Variants in HPF1 observed in about 807,000 individuals in gnomAD.
HPF1 encodes the protein histone PARylation factor 1, also known as UPF0609 protein C4orf27.
In HPF1, 35 loss-of-function variants were observed where a neutral mutation model predicts 38.8. The ratio of observed to expected loss-of-function variants is 0.90; its 90% CI spans 0.69 to 1.19. The LOEUF (loss-of-function observed/expected upper bound fraction) is 1.19, where lower values mean the gene tolerates loss of function less well. Ranked by LOEUF, HPF1 falls within the 50% of genes most tolerant of loss-of-function variation. The pLI is 0.00. For synonymous variants in HPF1, 115 were observed against 139.2 expected, an observed-to-expected ratio of 0.83 and a Z score of 1.22; for missense variants, 367 against 405.8, an observed-to-expected ratio of 0.90 and a Z score of 0.82.
At chr4:169,748,376 G>GTT (rs1048964480) in intron 4 of HPF1, among the ~76,000 whole-genome samples, 2 of 145,010 alleles carry the variant, frequency 1.4e-5, no homozygotes, top group African/African-American at 2.5e-5. Context: ...AATCCGCTTT[G>GTT]TTTTTTTTTT....
intron 6 of HPF1, among the ~76,000 whole-genome samples, chr4:169,735,802 G>C (rs552458709): frequency 6.6e-6 from 1 of 151,998 alleles, no homozygotes. Context: ...GGTCCCATCA[G>C]AGACTAATTG....
intron 6 of HPF1, among the ~76,000 whole-genome samples, chr4:169,735,645 ACTGCC>A (rs1733882167): frequency 6.6e-6 from 1 of 152,204 alleles, no homozygotes; most frequent in Non-Finnish European, 1.5e-5. Flanking sequence ...AGCTTTAGAG[ACTGCC>A]CATCTCTACA....
At chr4:169,753,600 T>G in intron 2 of HPF1, 76 bp downstream of exon 2, 8 of 1,268,556 alleles carry the variant, frequency 6.3e-6, no homozygotes, top group South Asian at 1.3e-5. Flanking sequence ...TTACAGAGTG[T>G]GAGCCACCAC....
chr4:169,751,566 T>A (rs553732807), intron 2 of HPF1, among the ~76,000 whole-genome samples: 24 of 152,090 alleles, frequency 1.6e-4, no homozygotes, highest in Non-Finnish European at 3.2e-4. Context: ...CAGGGAGTGT[T>A]CATAAACCAC....
At chr4:169,754,954 A>G (rs1327152227) in intron 1 of HPF1, among the ~76,000 whole-genome samples, 4 of 152,038 alleles carry the variant, frequency 2.6e-5, no homozygotes, top group Non-Finnish European at 5.9e-5. Context: ...GTTTTAGGGT[A>G]CATGTGCACA....
intron 6 of HPF1, among the ~76,000 whole-genome samples, chr4:169,732,711 G>C (rs957240162): frequency 2.0e-5 from 3 of 152,136 alleles, no homozygotes; most frequent in Non-Finnish European, 2.9e-5. Flanking sequence ...GCACTATATA[G>C]TTGCCTCTGT....
intron 6 of HPF1, among the ~76,000 whole-genome samples, chr4:169,735,984 T>G (rs923978372): frequency 6.6e-6 from 1 of 151,474 alleles, no homozygotes; most frequent in African/African-American, 2.4e-5. Flanking sequence ...TAAGATATTT[T>G]ATTTAACCCA....
chr4:169,753,569 A>G, intron 2 of HPF1, 107 bp downstream of exon 2: 1 of 931,750 alleles, frequency 1.1e-6, no homozygotes. Flanking sequence ...GCCTCAGGCA[A>G]TCCTCCTGCC....
intron 4 of HPF1, 39 bp from the exon 5 acceptor site, chr4:169,742,146 A>C: frequency 6.3e-7 from 1 of 1,589,862 alleles, no homozygotes; most frequent in South Asian, 1.1e-5. Context: ...GTGGCAGGCC[A>C]CTGTACTAAG....
Position 169,757,824 on chromosome 4 carries a change from C to G in HPF1, c.48+6G>C. On this transcript the variant is annotated splice_donor_region_variant and intron_variant, in intron 1 of 7. Transcript: ENST00000393381. ...CGCGTAGCCCGCACAGCCTTTCCGG[C>G]AGTACCTGCGGCCCCTCTCCGCCGG... The G allele has an allele frequency of 6.4e-7, 1 of 1,559,466 alleles. No homozygotes were observed. The highest frequency in any genetic ancestry group is 8.6e-7 in the Non-Finnish European group (1 of 1,159,524).
Position 169,750,543 on chromosome 4 carries a change from A to T in HPF1, c.391T>A (p.Tyr131Asn). The T allele has an allele frequency of 6.3e-7, 1 of 1,592,820 alleles. No homozygotes were observed. Among genetic ancestry groups the T allele is most frequent in the Middle Eastern group, 1.7e-4 (1 of 5,940 alleles). The stretch of plus-strand genomic sequence containing the variant: ...GAAGAAAAGATCCTTTACCTGAAAT[A>T]CCCCATGTGGTACTGAGTTTTATTA... The part of the protein sequence containing the change: ...GDNKTQYHMG[Y>N]FRDSPDEFPV... Residue 131 changes from tyrosine to asparagine, a missense_variant, in exon 3 of 8, where the codon TAT (tyrosine) becomes AAT (asparagine). Transcript: ENST00000393381.
In HPF1 at chr4:169,757,898, A is replaced by G. The variant is rs535312068; in HGVS notation, c.-21T>C. ...ACCATTCTGCAGCTGCAGCGCCAGC[A>G]GAATTCCCCGATCCGCGGCCGCTTC... is the stretch of plus-strand genomic sequence containing the variant. On this transcript the variant is annotated 5_prime_UTR_variant, in exon 1 of 8. Coordinates refer to ENST00000393381, the MANE Select transcript of HPF1 (RefSeq NM_017867.3). The G allele has an allele frequency of 2.6e-6, 4 of 1,546,320 alleles. No individual in the cohort carries two copies. Among genetic ancestry groups the G allele is most frequent in the Admixed American group, 3.8e-5 (2 of 52,760 alleles).
intron 7 of HPF1, among the ~76,000 whole-genome samples, chr4:169,730,069 G>A (rs779121224): frequency 6.6e-6 from 1 of 152,128 alleles, no homozygotes; most frequent in Non-Finnish European, 1.5e-5. Context: ...CCTCAATTCT[G>A]TAAGAATAGC....
At position 169,737,749 on chromosome 4, in the gene HPF1, T is replaced by C; in HGVS notation, c.649-2A>G. On this transcript the variant is annotated splice_acceptor_variant, in intron 5 of 7. Transcript: ENST00000393381. LOFTEE classifies it high-confidence loss of function. Reference sequence around the variant, plus strand: ...ACCATGAAAGGTCTTTGTCACAACCTACATTAAAGAAAAGAATAAAATGTA... The same window carrying C: ...ACCATGAAAGGTCTTTGTCACAACCCACATTAAAGAAAAGAATAAAATGTA... 2 of 1,596,108 alleles carry C rather than the reference T, an allele frequency of 1.3e-6. No homozygotes were observed. The highest frequency in any genetic ancestry group is 1.7e-6 in the Non-Finnish European group (2 of 1,164,370).
intron 4 of HPF1, 102 bp from the exon 5 acceptor site, chr4:169,742,209 G>T: frequency 1.1e-6 from 1 of 890,392 alleles, no homozygotes; most frequent in Non-Finnish European, 1.7e-6. Flanking sequence ...TTCCATACAA[G>T]AATAAGTCCA....
intron 4 of HPF1, among the ~76,000 whole-genome samples, chr4:169,742,608 A>C (rs10012711): frequency 0.68 from 103,985 of 151,952 alleles, 37,715 homozygotes; most frequent in East Asian, 0.91. Flanking sequence ...CTGGCTAACA[A>C]GGTGAAACCC....
Position 169,731,864 on chromosome 4 carries a change from C to A in HPF1, c.749G>T (p.Arg250Ile). 1.2e-6 allele frequency: 2 copies of A among 1,612,264 alleles called. No individual in the cohort carries two copies. The highest frequency in any genetic ancestry group is 1.3e-5 in the African/African-American group (1 of 74,984). Reference sequence around the variant, plus strand: ...AGCCTCAACTATTGTCTTGCAAATTCTCTTGAGGTCAGCTGAAAGAAATCA... The same window carrying A: ...AGCCTCAACTATTGTCTTGCAAATTATCTTGAGGTCAGCTGAAAGAAATCA... ...ELPETDADLK[R>I]ICKTIVEAAS... The change falls in exon 7 of 8, where the codon AGA becomes ATA. Residue 250 changes from arginine (R) to isoleucine (I), a missense_variant. Coordinates refer to ENST00000393381, the MANE Select transcript of HPF1 (RefSeq NM_017867.3).
At chr4:169,751,148 G>T (rs1734113832) in intron 2 of HPF1, among the ~76,000 whole-genome samples, 1 of 152,186 alleles carries the variant, frequency 6.6e-6, no homozygotes, top group Admixed American at 6.5e-5. Context: ...GCTCACACCT[G>T]TAATCCCAGC....
intron 4 of HPF1, among the ~76,000 whole-genome samples, chr4:169,748,074 C>T (rs1734070862): frequency 6.6e-6 from 1 of 152,160 alleles, no homozygotes; most frequent in Admixed American, 6.5e-5. Context: ...TCAGCCTGCT[C>T]CCTCAACCCT....
Sources: gnomAD v4.1 joint callset for allele counts (sites outside exome capture counted in the v4.1 genomes callset) on GRCh38, gnomAD v4.1.1 for gene constraint, MANE v1.5 for transcripts, NCBI Gene and HGNC (gene_info 2026-07-23, HGNC 2026-07-21) for gene names.